The following SCLT1 variants were observed in gnomAD, a reference collection of about 807,000 sequenced individuals.
SCLT1 encodes sodium channel and clathrin linker 1, also known as sodium channel-associated protein 1.
A neutral mutation model predicts 112.8 loss-of-function variants in SCLT1; 78 were observed. The ratio of observed to expected loss-of-function variants is 0.69; its 90% CI spans 0.58 to 0.83. The LOEUF (loss-of-function observed/expected upper bound fraction) is 0.83. Ranked by LOEUF, SCLT1 falls within the 40% of genes least tolerant of loss-of-function variation. The probability of loss-of-function intolerance (pLI) is 0.00; values close to 1 mark genes in which losing one functional copy is unlikely to be tolerated. For synonymous variants in SCLT1, 257 were observed against 254.7 expected (o/e 1.01, Z -0.09); for missense variants, 747 against 770.4 (o/e 0.97, Z 0.36).
At chr4:128,927,965 A>C (rs1736433071) in intron 18 of SCLT1, among the ~76,000 whole-genome samples, 1 of 152,070 alleles carries the variant, frequency 6.6e-6, no homozygotes, top group Non-Finnish European at 1.5e-5. Flanking sequence ...AATAATATGA[A>C]AAACATCCAA....
intron 2 of SCLT1, among the ~76,000 whole-genome samples, chr4:129,049,335 T>C (rs1198876417): frequency 6.6e-6 from 1 of 152,056 alleles, no homozygotes; most frequent in African/African-American, 2.4e-5. Flanking sequence ...TTGTAGGACA[T>C]GGATGAAATT....
intron 20 of SCLT1, 26 bp downstream of exon 20, chr4:128,888,653 T>C: frequency 1.5e-6 from 2 of 1,360,388 alleles, no homozygotes; most frequent in Non-Finnish European, 2.1e-6. Flanking sequence ...CTGTTTATTA[T>C]CTAGGGATAA....
At chr4:128,877,109 C>G (rs1393764988) in intron 3 of SCLT1, among the ~76,000 whole-genome samples, 2 of 152,174 alleles carry the variant, frequency 1.3e-5, no homozygotes, top group Admixed American at 6.5e-5. Flanking sequence ...GAAATAAAAG[C>G]TGATTTTGTC....
intron 5 of SCLT1, among the ~76,000 whole-genome samples, chr4:129,020,740 C>T (rs1229924700): frequency 1.3e-5 from 2 of 152,078 alleles, no homozygotes; most frequent in South Asian, 4.1e-4. Flanking sequence ...ATGACTCAAG[C>T]CTCTGTTTTT....
chr4:129,060,067 C>T (rs1749815549), intron 2 of SCLT1, among the ~76,000 whole-genome samples: 2 of 152,088 alleles, frequency 1.3e-5, no homozygotes, highest in South Asian at 2.1e-4. Flanking sequence ...TTTCAAACAA[C>T]CCGTCTTCAA....
chr4:129,083,111 T>C (rs1242400594), intron 1 of SCLT1, among the ~76,000 whole-genome samples: 11 of 141,492 alleles, frequency 7.8e-5, no homozygotes, highest in African/African-American at 7.8e-5. Context: ...GAATAACTTG[T>C]ACCCGGGAGG....
At chr4:129,016,158 TTTA>T (rs1434825111) in intron 5 of SCLT1, among the ~76,000 whole-genome samples, 1 of 152,146 alleles carries the variant, frequency 6.6e-6, no homozygotes, top group African/African-American at 2.4e-5. Flanking sequence ...AGCAAAATTA[TTTA>T]TTATTTTAGT....
chr4:128,886,780 C>T (rs1489218905), intron 20 of SCLT1, among the ~76,000 whole-genome samples: 1 of 152,134 alleles, frequency 6.6e-6, no homozygotes, highest in Non-Finnish European at 1.5e-5. Flanking sequence ...CAGTACTAGA[C>T]TGTTTAGGTT....
chr4:129,086,069 T>C (rs1752369003), intron 1 of SCLT1, among the ~76,000 whole-genome samples: 1 of 152,108 alleles, frequency 6.6e-6, no homozygotes, highest in Admixed American at 6.6e-5. Context: ...AACCTCTTTT[T>C]TTTTCCCTGA....
At chr4:128,970,098 A>T (rs1740559319) in intron 10 of SCLT1, among the ~76,000 whole-genome samples, 1 of 152,190 alleles carries the variant, frequency 6.6e-6, no homozygotes, top group South Asian at 2.1e-4. Flanking sequence ...TAACCAGTTA[A>T]CTGAAACTTG....
At chr4:128,945,965 T>C in intron 16 of SCLT1, 42 bp downstream of exon 16, 3 of 1,422,492 alleles carry the variant, frequency 2.1e-6, no homozygotes, top group Non-Finnish European at 2.9e-6. Flanking sequence ...ATTGTGTGAA[T>C]TCTGAAGATG....
intron 2 of SCLT1, among the ~76,000 whole-genome samples, chr4:129,079,810 G>A (rs748152790): frequency 3.3e-5 from 5 of 152,316 alleles, no homozygotes; most frequent in South Asian, 2.1e-4. Context: ...TGAGGGCTGC[G>A]CCCCTGCAGC....
At chr4:129,090,328 T>C (rs865903986) in intron 1 of SCLT1, among the ~76,000 whole-genome samples, 14 of 152,280 alleles carry the variant, frequency 9.2e-5, no homozygotes, top group Middle Eastern at 3.4e-3. Context: ...AATAGATCCA[T>C]ACATATATAA....
chr4:128,890,109 G>A (rs1443032433), intron 19 of SCLT1, among the ~76,000 whole-genome samples: 1 of 151,964 alleles, frequency 6.6e-6, no homozygotes, highest in African/African-American at 2.4e-5. Flanking sequence ...AGAAAACGGG[G>A]GAAAAAATTC....
intron 5 of SCLT1, among the ~76,000 whole-genome samples, chr4:129,020,800 A>G (rs189352080): frequency 6.6e-6 from 1 of 152,330 alleles, no homozygotes; most frequent in African/African-American, 2.4e-5. Context: ...TACATTTTTA[A>G]TACATGAAAT....
chr4:129,057,610 A>G (rs1047385959), intron 2 of SCLT1, among the ~76,000 whole-genome samples: 1 of 148,808 alleles, frequency 6.7e-6, no homozygotes, highest in Admixed American at 6.7e-5. Flanking sequence ...ATTTCTCATA[A>G]TTGGTCTGTT....
chr4:129,064,479 T>C (rs1486087873), intron 2 of SCLT1, among the ~76,000 whole-genome samples: 1 of 152,160 alleles, frequency 6.6e-6, no homozygotes, highest in Non-Finnish European at 1.5e-5. Flanking sequence ...CTATGAGCCA[T>C]TTCAAGTTCA....
intron 5 of SCLT1, among the ~76,000 whole-genome samples, chr4:129,015,365 A>C (rs370591774): frequency 6.6e-6 from 1 of 152,058 alleles, no homozygotes; most frequent in South Asian, 2.1e-4. Context: ...ACAAGCTATG[A>C]TGTGGCTCCC....
intron 2 of SCLT1, among the ~76,000 whole-genome samples, chr4:129,055,062 C>A (rs1390887793): frequency 6.6e-6 from 1 of 152,188 alleles, no homozygotes; most frequent in Non-Finnish European, 1.5e-5. Context: ...CACTCCAGAC[C>A]TTGTTTTCCT....
Sources: gnomAD v4.1 joint callset for allele counts (sites outside exome capture counted in the v4.1 genomes callset) on GRCh38, gnomAD v4.1.1 for gene constraint, MANE v1.5 for transcripts, NCBI Gene and HGNC (gene_info 2026-07-23, HGNC 2026-07-21) for gene names.